The following MEF2A variants were observed in gnomAD, a reference collection of about 807,000 sequenced individuals.
The protein encoded by MEF2A is myocyte enhancer factor 2A.
In MEF2A, 28 loss-of-function variants were observed where a neutral mutation model predicts 55.8. That is an observed-to-expected ratio of 0.50 (90% CI 0.37 to 0.69). The LOEUF is 0.69. Ranked by LOEUF, MEF2A falls within the 30% of genes least tolerant of loss-of-function variation. The probability of loss-of-function intolerance (pLI) is 0.00; values close to 1 mark genes in which losing one functional copy is unlikely to be tolerated. For synonymous variants in MEF2A, 239 were observed against 227.1 expected, an observed-to-expected ratio of 1.05 and a Z score of -0.47; for missense variants, 528 against 626.2, an observed-to-expected ratio of 0.84 and a Z score of 1.67.
chr15:99,611,912 G>T (rs1275699675), intron 2 of MEF2A, among the ~76,000 whole-genome samples: 8 of 151,840 alleles, frequency 5.3e-5, no homozygotes, highest in Non-Finnish European at 1.5e-5. Flanking sequence ...AGAGAAGCCA[G>T]ACACAGAAAG....
intron 2 of MEF2A, among the ~76,000 whole-genome samples, chr15:99,605,838 C>T (rs964405875): frequency 3.3e-5 from 5 of 152,028 alleles, no homozygotes; most frequent in Admixed American, 2.6e-4. Context: ...GGCATGGTGA[C>T]GCATGCCTGT....
intron 4 of MEF2A, chr15:99,645,971 ATGT>A: frequency 2.3e-6 from 1 of 430,674 alleles, no homozygotes; most frequent in Non-Finnish European, 4.1e-6. Flanking sequence ...AAAGTAAACT[ATGT>A]TGTTTTACCA....
At chr15:99,671,696 A>C in intron 5 of MEF2A, 1 of 1,488,086 alleles carries the variant, frequency 6.7e-7, no homozygotes, top group South Asian at 1.4e-5. Context: ...TATCTTGTGC[A>C]TGAAGAGATT....
At chr15:99,652,661 C>T (rs1435040895) in intron 4 of MEF2A, among the ~76,000 whole-genome samples, 1 of 152,080 alleles carries the variant, frequency 6.6e-6, no homozygotes, top group Non-Finnish European at 1.5e-5. Context: ...TATATAAGGC[C>T]CTTCACTTTA....
At chr15:99,648,152 A>G (rs1331716321) in intron 4 of MEF2A, among the ~76,000 whole-genome samples, 5 of 152,212 alleles carry the variant, frequency 3.3e-5, no homozygotes, top group Non-Finnish European at 7.4e-5. Context: ...AGTACTTTAC[A>G]GTTGCCTCAT....
rs1349905936 is a variant in MEF2A at position 99,632,994 on chromosome 15, C to T, written c.-126C>T. ...TTCTTTTAGATCTTGTAGAAAATTT[C>T]AGCTGTAGCCCTTGGACTAGAAGCT... is the stretch of plus-strand genomic sequence containing the variant. On this transcript the variant is annotated 5_prime_UTR_variant, in exon 3 of 12. Transcript: ENST00000557942. 6 of 655,848 alleles carry T rather than the reference C, an allele frequency of 9.1e-6. No individual in the cohort carries two copies. Among genetic ancestry groups the T allele is most frequent in the Non-Finnish European group, 1.3e-5 (5 of 391,732 alleles). The allele number at this position is 655,848 out of a possible 1,614,324, so 40.6% of individuals were successfully genotyped here.
intron 1 of MEF2A, among the ~76,000 whole-genome samples, chr15:99,593,608 A>T (rs1215162664): frequency 6.6e-6 from 1 of 152,174 alleles, no homozygotes; most frequent in Non-Finnish European, 1.5e-5. Context: ...TTGACTTTGG[A>T]ACTGTTTTCA....
intron 1 of MEF2A, among the ~76,000 whole-genome samples, chr15:99,581,570 A>G (rs753167465): frequency 9.9e-5 from 15 of 152,080 alleles, no homozygotes; most frequent in South Asian, 4.2e-4. Flanking sequence ...TCCCCATACA[A>G]TGGCCTAGGT....
chr15:99,578,727 C>T (rs1289728107), intron 1 of MEF2A, among the ~76,000 whole-genome samples: 1 of 152,176 alleles, frequency 6.6e-6, no homozygotes, highest in African/African-American at 2.4e-5. Context: ...ACTATGTATG[C>T]ATAATCATGC....
chr15:99,654,582 G>GT (rs1555477203), intron 4 of MEF2A, among the ~76,000 whole-genome samples: 1 of 83,026 alleles, frequency 1.2e-5, no homozygotes, highest in African/African-American at 5.6e-5. Flanking sequence ...TAAAAAAAAA[G>GT]GGGGGGGTAT....
At chr15:99,579,914 A>G (rs1965428063) in intron 1 of MEF2A, among the ~76,000 whole-genome samples, 1 of 152,064 alleles carries the variant, frequency 6.6e-6, no homozygotes. Flanking sequence ...ACTGAAGAAC[A>G]GTTTCCTCTC....
intron 2 of MEF2A, among the ~76,000 whole-genome samples, chr15:99,626,432 T>G (rs1171810333): frequency 6.6e-6 from 1 of 150,800 alleles, no homozygotes; most frequent in East Asian, 1.9e-4. Flanking sequence ...GCTTCGTTGA[T>G]TTTTTTTTTC....
chr15:99,671,406 A>G lies in MEF2A; in HGVS notation c.342A>G (p.Arg114=). The G allele has an allele frequency of 6.2e-7, 1 of 1,613,978 alleles. No homozygotes were observed. The part of the protein sequence containing the change: ...YFEHSPLSED[R]FSKLNEDSDF... ...AGCACAGTCCACTCTCGGAGGACAG[A>G]TTCAGCAAACTAAATGAAGATAGTG... The change falls in exon 5 of 12, where the codon AGA becomes AGG. Residue 114 remains arginine (R), a synonymous_variant. Coordinates refer to ENST00000557942, the MANE Select transcript of MEF2A (RefSeq NM_001319206.4).
intron 2 of MEF2A, among the ~76,000 whole-genome samples, chr15:99,616,530 C>T (rs1454489495): frequency 2.0e-5 from 3 of 152,064 alleles, no homozygotes; most frequent in Non-Finnish European, 4.4e-5. Flanking sequence ...CTCATCTTAC[C>T]AGTACTTTCT....
chr15:99,690,313 T>G lies in MEF2A; in HGVS notation c.743T>G (p.Val248Gly), dbSNP rs758530238. Residue 248 changes from valine to glycine, a missense_variant, in exon 8 of 12, where the codon GTC becomes GGC. By Grantham distance (109) the Val-to-Gly change is moderately radical. Transcript: ENST00000557942. Reference protein sequence around the residue: ...GATGANSLGKVMPTKSPPPPG... With the variant: ...GATGANSLGKGMPTKSPPPPG... ...ACTGGTGCAAATAGCTTAGGCAAAG[T>G]CATGCCTACAAAGTCTCCCCCTCCA... The G allele has an allele frequency of 6.2e-7, 1 of 1,613,608 alleles. No individual in the cohort carries two copies. Among genetic ancestry groups the G allele is most frequent in the Non-Finnish European group, 8.5e-7 (1 of 1,179,760 alleles).
At chr15:99,627,094 AT>A (rs2042160021) in intron 2 of MEF2A, among the ~76,000 whole-genome samples, 1 of 152,050 alleles carries the variant, frequency 6.6e-6, no homozygotes, top group Non-Finnish European at 1.5e-5. Flanking sequence ...CAGGGGTCAG[AT>A]TTTGCAACAA....
At chr15:99,627,037 T>C (rs970221298) in intron 2 of MEF2A, among the ~76,000 whole-genome samples, 1 of 152,148 alleles carries the variant, frequency 6.6e-6, no homozygotes, top group African/African-American at 2.4e-5. Flanking sequence ...ATTGGCATGC[T>C]AATTTTTTTT....
intron 11 of MEF2A, 70 bp downstream of exon 11, chr15:99,710,830 G>A: frequency 2.0e-6 from 3 of 1,526,700 alleles, no homozygotes; most frequent in Non-Finnish European, 1.8e-6. Flanking sequence ...ATCAGTGACA[G>A]CCTTTTGCTC....
chr15:99,668,162 A>G (rs1006124783), intron 4 of MEF2A, among the ~76,000 whole-genome samples: 1 of 152,198 alleles, frequency 6.6e-6, no homozygotes, highest in Admixed American at 6.5e-5. Flanking sequence ...CCAAAAATAA[A>G]ATTACTGTCT....
Sources: gnomAD v4.1 joint callset for allele counts (sites outside exome capture counted in the v4.1 genomes callset) on GRCh38, gnomAD v4.1.1 for gene constraint, MANE v1.5 for transcripts, NCBI Gene and HGNC (gene_info 2026-07-23, HGNC 2026-07-21) for gene names.